The following LGSN variants were observed in gnomAD, a reference collection of about 807,000 sequenced individuals.
LGSN encodes the protein lengsin.
In LGSN, 21 loss-of-function variants were observed where a neutral mutation model predicts 19.5. The ratio of observed to expected loss-of-function variants is 1.07; its 90% CI spans 0.76 to 1.55. The LOEUF (loss-of-function observed/expected upper bound fraction) is 1.55, where lower values mean the gene tolerates loss of function less well. Among genes scored for constraint, LGSN ranks in the 40% most tolerant of loss-of-function variants. The pLI is 0.00. For missense variants in LGSN, 673 were observed against 608.5 expected (o/e 1.11, Z -1.12); for synonymous variants, 257 against 215.6 (o/e 1.19, Z -1.68).
intron 1 of LGSN, among the ~76,000 whole-genome samples, chr6:63,312,265 G>A (rs979109341): frequency 2.0e-5 from 3 of 152,258 alleles, no homozygotes; most frequent in Admixed American, 6.5e-5. Flanking sequence ...AAACATGGGA[G>A]TGTAGATATC....
At chr6:63,412,555 A>AAAGAAAGG in the LGSN span, among the ~76,000 whole-genome samples, 13 of 138,922 alleles carry the variant, frequency 9.4e-5, no homozygotes, top group Admixed American at 1.4e-4. Context: ...AGAAAGAAAG[A>AAAGAAAGG]AAGAAAGAAA....
chr6:63,473,239 G>A, the LGSN span, among the ~76,000 whole-genome samples: 1 of 151,930 alleles, frequency 6.6e-6, no homozygotes, highest in Admixed American at 6.6e-5. Context: ...TTGGGAGACT[G>A]AGGTGGGCTG....
chr6:63,388,055 TA>T, the LGSN span, among the ~76,000 whole-genome samples: 1 of 151,120 alleles, frequency 6.6e-6, no homozygotes, highest in Non-Finnish European at 1.5e-5. Flanking sequence ...TTTTTTTTTT[TA>T]GTAGAGATGC....
chr6:63,310,120 T>C (rs1425112052), intron 1 of LGSN, among the ~76,000 whole-genome samples: 1 of 152,180 alleles, frequency 6.6e-6, no homozygotes, highest in Non-Finnish European at 1.5e-5. Flanking sequence ...AGTTTTATCA[T>C]TTCTTGGGGT....
the LGSN span, among the ~76,000 whole-genome samples, chr6:63,437,643 T>C: frequency 6.6e-6 from 1 of 152,168 alleles, no homozygotes; most frequent in African/African-American, 2.4e-5. Flanking sequence ...CTCATAAGAA[T>C]TAGTACAGGC....
chr6:63,515,942 A>G, the LGSN span, among the ~76,000 whole-genome samples: 1 of 152,248 alleles, frequency 6.6e-6, no homozygotes, highest in Non-Finnish European at 1.5e-5. Context: ...GAAGTAACAT[A>G]GTCTGATTTA....
chr6:63,297,292 G>A (rs1026279924), intron 1 of LGSN, among the ~76,000 whole-genome samples: 14 of 148,266 alleles, frequency 9.4e-5, no homozygotes, highest in African/African-American at 2.7e-4. Context: ...GCAGTGAGCC[G>A]AGATGGCACC....
the LGSN span, among the ~76,000 whole-genome samples, chr6:63,332,801 C>T: frequency 8.5e-5 from 13 of 152,092 alleles, no homozygotes; most frequent in South Asian, 2.1e-4. Context: ...CACTGCTTGG[C>T]GATTGTCTCA....
chr6:63,509,114 G>A, the LGSN span, among the ~76,000 whole-genome samples: 1 of 150,894 alleles, frequency 6.6e-6, no homozygotes. Flanking sequence ...GCCCAGGCTG[G>A]AGTACACTGG....
At chr6:63,472,197 C>T in the LGSN span, among the ~76,000 whole-genome samples, 3 of 152,176 alleles carry the variant, frequency 2.0e-5, no homozygotes, top group African/African-American at 7.2e-5. Context: ...CCCAAAGCAT[C>T]CCCATCCCAA....
At chr6:63,351,373 C>CTG in the LGSN span, among the ~76,000 whole-genome samples, 229 of 151,058 alleles carry the variant, frequency 1.5e-3, 2 homozygotes, top group African/African-American at 3.2e-3. Flanking sequence ...ATAAATATCT[C>CTG]TGTGTGTGTG....
the LGSN span, among the ~76,000 whole-genome samples, chr6:63,419,076 A>G: frequency 1.3e-5 from 2 of 152,116 alleles, no homozygotes; most frequent in African/African-American, 4.8e-5. Context: ...AGTAGAAGTG[A>G]GGAGCACTGA....
chr6:63,388,045 T>G, the LGSN span, among the ~76,000 whole-genome samples: 24 of 151,422 alleles, frequency 1.6e-4, no homozygotes, highest in African/African-American at 2.4e-4. Flanking sequence ...TTTTTGTTTT[T>G]TTTTTTTTTT....
the LGSN span, among the ~76,000 whole-genome samples, chr6:63,376,165 G>A: frequency 2.0e-5 from 3 of 151,992 alleles, no homozygotes; most frequent in African/African-American, 4.8e-5. Context: ...TGCTAATTGC[G>A]CTTACATTTT....
the LGSN span, among the ~76,000 whole-genome samples, chr6:63,387,038 T>C: frequency 1.3e-5 from 2 of 151,116 alleles, no homozygotes; most frequent in African/African-American, 2.4e-5. Flanking sequence ...GAGGTGGAGG[T>C]TGCAGTGAGC....
At chr6:63,318,216 C>T (rs1768939742) in intron 1 of LGSN, among the ~76,000 whole-genome samples, 1 of 152,172 alleles carries the variant, frequency 6.6e-6, no homozygotes, top group African/African-American at 2.4e-5. Context: ...TTTCTTCAGA[C>T]TGGGGAAGTA....
chr6:63,285,589 G>GA lies in LGSN; in HGVS notation c.327dup (p.Gln110SerfsTer16), dbSNP rs1288720745. 8 of 1,611,590 alleles carry GA rather than the reference G, an allele frequency of 5.0e-6. No individual in the cohort carries two copies. The South Asian group carries it at 7.7e-5, about 16-fold the overall frequency. ...AGTCACAACTGTGTAAAACTCACTTGAAAAAAGTGTGCAGGGATAGTCTTA... is the reference window on the plus strand; with the variant it reads ...AGTCACAACTGTGTAAAACTCACTTGAAAAAAAGTGTGCAGGGATAGTCTTA... On this transcript the variant is annotated frameshift_variant, in exon 3 of 4. Transcript: ENST00000370657. LOFTEE classifies it low-confidence loss of function (END_TRUNC).
chr6:63,506,467 G>T, the LGSN span, among the ~76,000 whole-genome samples: 1 of 152,014 alleles, frequency 6.6e-6, no homozygotes, highest in Non-Finnish European at 1.5e-5. Context: ...GTTTCACTGT[G>T]TTGGCCAGGC....
the LGSN span, among the ~76,000 whole-genome samples, chr6:63,451,596 A>T: frequency 2.2e-4 from 33 of 152,122 alleles, no homozygotes; most frequent in Non-Finnish European, 4.1e-4. Flanking sequence ...GGGGCCTATT[A>T]GAGGGTGGAG....
Sources: allele counts gnomAD v4.1 joint callset (sites outside exome capture counted in the v4.1 genomes callset), GRCh38; gene constraint gnomAD v4.1.1; transcripts MANE v1.5; gene names NCBI Gene and HGNC (gene_info 2026-07-23, HGNC 2026-07-21).